MAPK4: variants seen among roughly 807,000 people sequenced by gnomAD.
MAPK4 encodes Erk3-related.
MAPK4 carries 22 observed loss-of-function variants against 47.7 expected under a neutral mutation model. The observed-to-expected ratio is 0.46, with a 90% CI of 0.33 to 0.66. The LOEUF is 0.66. MAPK4 is among the 30% of genes least tolerant of loss of function. MAPK4 has a pLI of 0.02. For missense variants in MAPK4, 736 were observed against 831.7 expected (o/e 0.88, Z 1.42); for synonymous variants, 390 against 365.7 (o/e 1.07, Z -0.76).
chr18:50,664,039 C>A lies in MAPK4; in HGVS notation c.81C>A (p.Gly27=), dbSNP rs1490455211. The change falls in exon 2 of 6, where the codon GGC becomes GGA. Residue 27 remains glycine (G), a synonymous_variant. Coordinates refer to ENST00000400384, the MANE Select transcript of MAPK4 (RefSeq NM_002747.4). The surrounding 1 kb of genome is among the most constrained non-coding windows in gnomAD (Gnocchi z 6.0). ...GGRFVDFQPL[G]FGVNGLVLSA... ...GCTTTGTTGACTTCCAACCCCTGGG[C>A]TTCGGTGTCAATGGTTTGGTGCTGT... The A allele has an allele frequency of 1.9e-6, 3 of 1,613,832 alleles. No individual in the cohort carries two copies. The highest frequency in any genetic ancestry group is 2.2e-5 in the East Asian group (1 of 44,878).
intron 1 of MAPK4, among the ~76,000 whole-genome samples, chr18:50,618,950 C>T (rs2042707741): frequency 6.6e-6 from 1 of 151,942 alleles, no homozygotes; most frequent in African/African-American, 2.4e-5. Context: ...GGGTAACTGC[C>T]TTCTATAGAA....
chr18:50,727,284 G>C lies in MAPK4; in HGVS notation c.1067+1109G>C, dbSNP rs1000004893. Among the ~76,000 whole-genome samples, 3 of 152,214 alleles carry C rather than the reference G, an allele frequency of 2.0e-5. No homozygotes were observed. The South Asian group carries it at 6.2e-4, about 32-fold the overall frequency. On this transcript the variant is annotated intron_variant, in intron 5 of 5. Coordinates refer to ENST00000400384, the MANE Select transcript of MAPK4 (RefSeq NM_002747.4). Reference sequence around the variant, plus strand: ...CGAGGGCTCAAGCAGCTAGGACTCCGAGGGGGCCTAACTGGGAGTCCCACT... The same window carrying C: ...CGAGGGCTCAAGCAGCTAGGACTCCCAGGGGGCCTAACTGGGAGTCCCACT...
intron 1 of MAPK4, among the ~76,000 whole-genome samples, chr18:50,607,896 A>C (rs544897473): frequency 6.6e-6 from 1 of 152,206 alleles, no homozygotes; most frequent in Non-Finnish European, 1.5e-5. Flanking sequence ...GCCTTCATCT[A>C]TTGGACCCTA....
At chr18:50,717,436 T>C (rs1311066432) in intron 3 of MAPK4, among the ~76,000 whole-genome samples, 1 of 151,996 alleles carries the variant, frequency 6.6e-6, no homozygotes, top group East Asian at 1.9e-4. Context: ...ATGGCCTGCA[T>C]TGGTAGGCCT....
intron 1 of MAPK4, among the ~76,000 whole-genome samples, chr18:50,598,050 T>G (rs73959980): frequency 0.24 from 36,128 of 152,198 alleles, 4,247 homozygotes; most frequent in South Asian, 0.32. Context: ...CTCTCACACA[T>G]TCATCCTTTT....
At chr18:50,612,459 G>T (rs568769882) in intron 1 of MAPK4, among the ~76,000 whole-genome samples, 5 of 152,148 alleles carry the variant, frequency 3.3e-5, no homozygotes, top group Admixed American at 3.3e-4. Flanking sequence ...CCAGTATAGC[G>T]GGAGAGAAAG....
chr18:50,644,601 A>G (rs2042970629), intron 1 of MAPK4, among the ~76,000 whole-genome samples: 3 of 152,232 alleles, frequency 2.0e-5, no homozygotes, highest in East Asian at 3.9e-4. Context: ...GCTGAAAGCC[A>G]TTCCCCGCAT....
At chr18:50,703,213 ACTT>A (rs1909881306) in intron 2 of MAPK4, among the ~76,000 whole-genome samples, 1 of 151,980 alleles carries the variant, frequency 6.6e-6, no homozygotes, top group Non-Finnish European at 1.5e-5. Flanking sequence ...CACTGCCTGT[ACTT>A]CTTCCCTGCC....
chr18:50,718,630 A>G (rs1220558463), intron 3 of MAPK4, among the ~76,000 whole-genome samples: 1 of 152,252 alleles, frequency 6.6e-6, no homozygotes, highest in African/African-American at 2.4e-5. Context: ...AATCACAGCA[A>G]TGAGGGAATT....
chr18:50,655,927 A>G (rs1203223300), intron 1 of MAPK4, among the ~76,000 whole-genome samples: 1 of 152,126 alleles, frequency 6.6e-6, no homozygotes, highest in Admixed American at 6.5e-5. Context: ...GTCCACTGAT[A>G]TTTATTTATT....
chr18:50,719,627 C>T (rs942811036), intron 3 of MAPK4, among the ~76,000 whole-genome samples: 2 of 152,152 alleles, frequency 1.3e-5, no homozygotes, highest in African/African-American at 2.4e-5. Context: ...TGGCTGCCTC[C>T]ATTCTCCCAG....
At chr18:50,622,390 A>T (rs1431678963) in intron 1 of MAPK4, among the ~76,000 whole-genome samples, 2 of 152,204 alleles carry the variant, frequency 1.3e-5, no homozygotes, top group African/African-American at 4.8e-5. Flanking sequence ...TTCTGCAGCC[A>T]AAAAGGTCCT....
chr18:50,699,127 T>C (rs981589390), intron 2 of MAPK4, among the ~76,000 whole-genome samples: 2 of 152,164 alleles, frequency 1.3e-5, no homozygotes, highest in African/African-American at 4.8e-5. Flanking sequence ...TTCTTTTGAC[T>C]TACCAGAAAC....
chr18:50,586,723 C>G (rs2042392201), intron 1 of MAPK4, among the ~76,000 whole-genome samples: 1 of 151,936 alleles, frequency 6.6e-6, no homozygotes, highest in Non-Finnish European at 1.5e-5. Flanking sequence ...TCTATTGTTA[C>G]CTGTGTAGAA....
At chr18:50,639,632 G>A (rs2042920766) in intron 1 of MAPK4, among the ~76,000 whole-genome samples, 1 of 152,144 alleles carries the variant, frequency 6.6e-6, no homozygotes, top group East Asian at 1.9e-4. Flanking sequence ...AAACATAAAA[G>A]GGATTAGACT....
chr18:50,624,749 G>C (rs906939533), intron 1 of MAPK4, among the ~76,000 whole-genome samples: 1 of 151,760 alleles, frequency 6.6e-6, no homozygotes, highest in Non-Finnish European at 1.5e-5. Flanking sequence ...TGGTGTCATT[G>C]GTGAACATAC....
At chr18:50,582,543 C>T (rs2042355023) in intron 1 of MAPK4, among the ~76,000 whole-genome samples, 4 of 152,214 alleles carry the variant, frequency 2.6e-5, no homozygotes, top group Admixed American at 1.3e-4. Context: ...CATCAGTAGC[C>T]GCACCTAGAA....
chr18:50,601,199 T>C (rs2042536400), intron 1 of MAPK4, among the ~76,000 whole-genome samples: 1 of 151,682 alleles, frequency 6.6e-6, no homozygotes, highest in Non-Finnish European at 1.5e-5. Flanking sequence ...CTGGGCATGG[T>C]GGCGCGTGCC....
rs754605852 is a variant in MAPK4, at chr18:50,664,385, G to T, written c.427G>T (p.Ala143Ser). 1 of 1,613,962 alleles carries T rather than the reference G, an allele frequency of 6.2e-7. No homozygotes were observed. Residue 143 changes from alanine to serine, a missense_variant, in exon 2 of 6, where the codon GCC becomes TCC. Coordinates refer to ENST00000400384, the MANE Select transcript of MAPK4 (RefSeq NM_002747.4). This position sits in a 1 kb window ranked among gnomAD's most constrained non-coding sequence, Gnocchi z 6.0. ...LLRGLKYIHS[A>S]NVLHRDLKPA... ...CCGCGGGCTCAAGTACATCCACTCC[G>T]CCAACGTGCTGCACAGGGACCTGAA...
Sources: gnomAD v4.1 joint callset for allele counts (sites outside exome capture counted in the v4.1 genomes callset) on GRCh38, gnomAD v4.1.1 for gene constraint, Gnocchi (gnomAD v3.1) non-coding constraint, MANE v1.5 for transcripts, NCBI Gene and HGNC (gene_info 2026-07-23, HGNC 2026-07-21) for gene names.